Variants in LRP1B observed in about 807,000 individuals in gnomAD.
The protein encoded by LRP1B is LDL receptor related protein 1B.
Under a neutral mutation model 556.6 loss-of-function variants are expected in LRP1B, and 217 were observed. That is an observed-to-expected ratio of 0.39 (90% CI 0.35 to 0.44). LRP1B has a LOEUF of 0.44. Ranked by LOEUF, LRP1B falls within the 20% of genes least tolerant of loss-of-function variation. LRP1B has a pLI of 1.00. For missense variants in LRP1B, 5,053 were observed against 5,620.8 expected, an observed-to-expected ratio of 0.90 and a Z score of 3.23; for synonymous variants, 2,047 against 1,865.8, an observed-to-expected ratio of 1.10 and a Z score of -2.50.
chr2:141,091,308 G>A (rs932939252), intron 7 of LRP1B, among the ~76,000 whole-genome samples: 5 of 152,224 alleles, frequency 3.3e-5, no homozygotes, highest in African/African-American at 1.2e-4. Context: ...ATTTACTTAC[G>A]TTTCAAAAGG....
chr2:141,544,349 C>CTTTTCTTCTT (rs1240838840), intron 2 of LRP1B, among the ~76,000 whole-genome samples: 5 of 85,874 alleles, frequency 5.8e-5, no homozygotes, highest in African/African-American at 2.1e-4. Context: ...TCTTCTTCTT[C>CTTTTCTTCTT]TTCTTCTTCT....
chr2:141,677,874 A>G (rs1053709568), intron 2 of LRP1B, among the ~76,000 whole-genome samples: 1 of 152,202 alleles, frequency 6.6e-6, no homozygotes, highest in African/African-American at 2.4e-5. Context: ...AAAGAAGCAG[A>G]TAGCTTGGCT....
At chr2:140,942,839 A>G (rs74650507) in intron 20 of LRP1B, among the ~76,000 whole-genome samples, 6,499 of 152,200 alleles carry the variant, frequency 0.043, 175 homozygotes, top group South Asian at 0.1. Flanking sequence ...AAAGACATGT[A>G]TATAGCCCAC....
chr2:141,563,158 T>TTTACAGGATA (rs1476371549), intron 2 of LRP1B, among the ~76,000 whole-genome samples: 1 of 152,006 alleles, frequency 6.6e-6, no homozygotes, highest in Non-Finnish European at 1.5e-5. Flanking sequence ...AGGATAGGCA[T>TTTACAGGATA]GGCAGACAGA....
chr2:140,666,055 A>G (rs1347866044), intron 41 of LRP1B, among the ~76,000 whole-genome samples: 1 of 150,506 alleles, frequency 6.6e-6, no homozygotes, highest in Non-Finnish European at 1.5e-5. Context: ...GTGCAGTGGC[A>G]TGATCTCAGC....
At chr2:140,263,538 T>C (rs1332550391) in intron 86 of LRP1B, among the ~76,000 whole-genome samples, 1 of 152,158 alleles carries the variant, frequency 6.6e-6, no homozygotes, top group Admixed American at 6.6e-5. Flanking sequence ...CCCCTCTCAC[T>C]GTTTACTATC....
At chr2:140,632,986 C>G (rs1683942699) in intron 41 of LRP1B, among the ~76,000 whole-genome samples, 1 of 151,482 alleles carries the variant, frequency 6.6e-6, no homozygotes, top group South Asian at 2.1e-4. Flanking sequence ...TGGTGCTAAC[C>G]TGGGAGGCGG....
intron 2 of LRP1B, among the ~76,000 whole-genome samples, chr2:141,562,444 C>T (rs1373515264): frequency 6.6e-6 from 1 of 151,932 alleles, no homozygotes; most frequent in Non-Finnish European, 1.5e-5. Context: ...CTATTACTCC[C>T]CACTACTGAC....
chr2:141,366,344 A>G (rs1303037025), intron 3 of LRP1B, among the ~76,000 whole-genome samples: 2 of 152,242 alleles, frequency 1.3e-5, no homozygotes, highest in Non-Finnish European at 2.9e-5. Context: ...TGAAATCTTT[A>G]GTTACATAGT....
At chr2:141,156,485 A>G (rs936559778) in intron 7 of LRP1B, among the ~76,000 whole-genome samples, 10 of 151,940 alleles carry the variant, frequency 6.6e-5, no homozygotes, top group African/African-American at 2.4e-4. Context: ...AAACTTAGAC[A>G]GGCATGGTGG....
intron 63 of LRP1B, among the ~76,000 whole-genome samples, chr2:140,448,503 C>G (rs913914746): frequency 3.9e-5 from 6 of 151,970 alleles, no homozygotes; most frequent in African/African-American, 1.4e-4. Context: ...ACCAGCCAGG[C>G]AAAGAAAGAC....
intron 65 of LRP1B, among the ~76,000 whole-genome samples, chr2:140,443,658 G>A (rs895332529): frequency 5.9e-5 from 9 of 152,170 alleles, no homozygotes; most frequent in African/African-American, 1.9e-4. Flanking sequence ...GTGAGCATGC[G>A]TGCAAGCATG....
chr2:141,169,705 A>G (rs951320750), intron 7 of LRP1B, among the ~76,000 whole-genome samples: 2 of 151,540 alleles, frequency 1.3e-5, no homozygotes, highest in African/African-American at 2.4e-5. Context: ...GCCCAATGTC[A>G]GTAAGATTTA....
At chr2:141,527,831 G>A (rs1297859536) in intron 2 of LRP1B, among the ~76,000 whole-genome samples, 1 of 152,014 alleles carries the variant, frequency 6.6e-6, no homozygotes, top group Non-Finnish European at 1.5e-5. Context: ...GCTTTTCCAG[G>A]CTTCTTAGAG....
chr2:141,067,400 T>C (rs564396451), intron 7 of LRP1B, among the ~76,000 whole-genome samples: 3 of 152,132 alleles, frequency 2.0e-5, no homozygotes, highest in African/African-American at 7.2e-5. Context: ...TCTTTACTTG[T>C]TTGGGGATTT....
chr2:141,623,970 G>A (rs1470138697), intron 2 of LRP1B, among the ~76,000 whole-genome samples: 16 of 127,944 alleles, frequency 1.3e-4, no homozygotes, highest in African/African-American at 3.8e-4. Flanking sequence ...AGCCGAGATC[G>A]CACCACCGCA....
At chr2:140,686,537 G>A (rs1359854161) in intron 41 of LRP1B, among the ~76,000 whole-genome samples, 1 of 151,944 alleles carries the variant, frequency 6.6e-6, no homozygotes, top group Admixed American at 6.6e-5. Context: ...AGTGAGGTTG[G>A]ATCCTGACTG....
intron 11 of LRP1B, among the ~76,000 whole-genome samples, chr2:141,039,333 C>A (rs1264177026): frequency 6.6e-6 from 1 of 151,972 alleles, no homozygotes; most frequent in Non-Finnish European, 1.5e-5. Context: ...ATTTTATTAT[C>A]ATTATTGTTG....
intron 20 of LRP1B, among the ~76,000 whole-genome samples, chr2:140,934,937 G>A (rs1171003967): frequency 6.6e-6 from 1 of 152,104 alleles, no homozygotes; most frequent in Non-Finnish European, 1.5e-5. Flanking sequence ...GAAAGTTACT[G>A]TGTATACCAA....
Sources: allele counts gnomAD v4.1 joint callset (sites outside exome capture counted in the v4.1 genomes callset), GRCh38; gene constraint gnomAD v4.1.1; transcripts MANE v1.5; gene names NCBI Gene and HGNC (gene_info 2026-07-23, HGNC 2026-07-21).